The following TMEM255B variants were observed in gnomAD, a reference collection of about 807,000 sequenced individuals.
TMEM255B encodes the protein transmembrane protein 255B, also known as family with sequence similarity 70, member B.
In TMEM255B, 35 loss-of-function variants were observed where a neutral mutation model predicts 34.5. The observed-to-expected ratio is 1.01, with a 90% CI of 0.77 to 1.34. The LOEUF (loss-of-function observed/expected upper bound fraction) is 1.34, where lower values mean the gene tolerates loss of function less well. Ranked by LOEUF, TMEM255B falls within the 40% of genes most tolerant of loss-of-function variation. The pLI is 0.00. For synonymous variants in TMEM255B, 206 were observed against 201.2 expected, an observed-to-expected ratio of 1.02 and a Z score of -0.20; for missense variants, 432 against 433.2, an observed-to-expected ratio of 1.00 and a Z score of 0.02.
At chr13:113,798,837 G>A (rs1169133126) in intron 4 of TMEM255B, among the ~76,000 whole-genome samples, 4 of 152,162 alleles carry the variant, frequency 2.6e-5, no homozygotes, top group Non-Finnish European at 5.9e-5. Flanking sequence ...AGGATGGAAG[G>A]AAGAATGGGT....
At chr13:113,804,807 G>T in intron 7 of TMEM255B, 78 bp from the exon 8 acceptor site, 1 of 1,368,540 alleles carries the variant, frequency 7.3e-7, no homozygotes, top group South Asian at 1.4e-5. Flanking sequence ...CGAGGGTGCT[G>T]GGCTTTCTAG....
chr13:113,786,341 A>C (rs2050740513), intron 3 of TMEM255B, among the ~76,000 whole-genome samples: 1 of 149,474 alleles, frequency 6.7e-6, no homozygotes, highest in South Asian at 2.1e-4. Context: ...CCCCATCACC[A>C]TCACTGTCGT....
In TMEM255B at chr13:113,814,175, A is replaced by G. The variant is rs6602890; in HGVS notation, c.*2272A>G. On this transcript the variant is annotated 3_prime_UTR_variant, in exon 9 of 9. Coordinates refer to ENST00000375353, the MANE Select transcript of TMEM255B (RefSeq NM_182614.4). ...GCCCCCGAAGCTGCCTGGTGCAGGC[A>G]CCAGCACCTCTTGGTGTCCTAGGGG... 0.55 allele frequency: 83,884 copies of G among 152,086 alleles called. 26,501 individuals carry two copies. Among genetic ancestry groups the G allele is most frequent in the African/African-American group, 0.88 (36,389 of 41,532 alleles). The allele number at this position is 152,086 out of a possible 1,614,324, so 9.4% of individuals were successfully genotyped here. A position where few individuals can be genotyped will look rare whatever the true frequency, so the allele number is the denominator to read the frequency against.
Position 113,803,562 on chromosome 13 carries a change from A to T in TMEM255B, c.670-1323A>T, listed in dbSNP as rs1029208736. Among the ~76,000 whole-genome samples the T allele has an allele frequency of 7.2e-5, 9 of 124,972 alleles. 2 individuals carry two copies. Among genetic ancestry groups the T allele is most frequent in the Admixed American group, 1.6e-4 (2 of 12,732 alleles). The allele number at this position is 124,972 out of a possible 152,430, so 82.0% of individuals were successfully genotyped here. A position where few individuals can be genotyped will look rare whatever the true frequency, so the allele number is the denominator to read the frequency against. On this transcript the variant is annotated intron_variant, in intron 7 of 8. Coordinates refer to ENST00000375353, the MANE Select transcript of TMEM255B (RefSeq NM_182614.4). ...CCCCCGTGTTCTCTGCTTTCTGTGC[A>T]CTCGCCCCGGCCCCATCCTCAGGCC...
chr13:113,786,618 CTG>C (rs2050749607), intron 3 of TMEM255B, among the ~76,000 whole-genome samples: 1 of 151,370 alleles, frequency 6.6e-6, no homozygotes, highest in Non-Finnish European at 1.5e-5. Context: ...ACCGTCGTCA[CTG>C]TTGTCACCAT....
At chr13:113,762,156 C>G (rs996752715) in intron 1 of TMEM255B, among the ~76,000 whole-genome samples, 2 of 150,114 alleles carry the variant, frequency 1.3e-5, no homozygotes, top group Non-Finnish European at 3.0e-5. Flanking sequence ...TTATCTTTCT[C>G]CTAAGTGAAA....
chr13:113,760,725 G>A (rs535766201), intron 1 of TMEM255B, among the ~76,000 whole-genome samples: 141 of 148,340 alleles, frequency 9.5e-4, no homozygotes, highest in Non-Finnish European at 1.7e-3. Flanking sequence ...GTATCTGGGG[G>A]TGGATTATGG....
rs2050459171 is a variant in TMEM255B at position 113,770,437 on chromosome 13, C to T, written c.252+1277C>T. ...ATCACCCCGCATGGGACCCAGCAAA[C>T]TCCCACTGCTGCCCAGGAGACTGAC... On this transcript the variant is annotated intron_variant, in intron 3 of 8. Transcript: ENST00000375353. This position sits in a 1 kb window ranked among gnomAD's most constrained non-coding sequence, Gnocchi z 4.6. Among the ~76,000 whole-genome samples, 1 of 152,176 alleles carries T rather than the reference C, an allele frequency of 6.6e-6. No individual in the cohort carries two copies. The highest frequency in any genetic ancestry group is 2.4e-5 in the African/African-American group (1 of 41,436).
chr13:113,807,872 G>A (rs1479828435), intron 8 of TMEM255B, among the ~76,000 whole-genome samples: 1 of 147,704 alleles, frequency 6.8e-6, no homozygotes, highest in Non-Finnish European at 1.5e-5. Flanking sequence ...GACGTGGGGG[G>A]CACAGGGGCA....
chr13:113,812,785 G>T lies in TMEM255B; in HGVS notation c.*882G>T. On this transcript the variant is annotated 3_prime_UTR_variant, in exon 9 of 9. Coordinates refer to ENST00000375353, the MANE Select transcript of TMEM255B (RefSeq NM_182614.4). ...CCCGGGTGGGTCACAGGCCCCGGGT[G>T]GGTCACAGGACAGGTCTCAGGTGGG... The T allele has an allele frequency of 6.4e-6, 1 of 155,664 alleles. No individual in the cohort carries two copies. Among genetic ancestry groups the T allele is most frequent in the Non-Finnish European group, 1.4e-5 (1 of 70,642 alleles). 9.6% of individuals were successfully genotyped at this position (155,664 alleles called of 1,614,324 possible).
At chr13:113,761,865 C>T (rs912079627) in intron 1 of TMEM255B, among the ~76,000 whole-genome samples, 2 of 152,148 alleles carry the variant, frequency 1.3e-5, no homozygotes, top group Non-Finnish European at 2.9e-5. Flanking sequence ...CGGGAACCGG[C>T]GACAAACAAG....
chr13:113,811,913 G>C lies in TMEM255B; in HGVS notation c.*10G>C. On this transcript the variant is annotated 3_prime_UTR_variant, in exon 9 of 9. Coordinates refer to ENST00000375353, the MANE Select transcript of TMEM255B (RefSeq NM_182614.4). The stretch of plus-strand genomic sequence containing the variant: ...CCCCTACGCACCCTGATAGAGGCGT[G>C]GAGTAAAAGATAACTTGTTTGTTTT... The C allele has an allele frequency of 6.4e-7, 1 of 1,564,518 alleles. No homozygotes were observed. Among genetic ancestry groups the C allele is most frequent in the Non-Finnish European group, 8.6e-7 (1 of 1,160,916 alleles).
At chr13:113,805,502 G>T (rs930673400) in intron 8 of TMEM255B, among the ~76,000 whole-genome samples, 1 of 152,244 alleles carries the variant, frequency 6.6e-6, no homozygotes, top group Non-Finnish European at 1.5e-5. Flanking sequence ...AGGCCATGGT[G>T]GGGGGCGAGC....
chr13:113,777,310 C>G (rs1048706162), intron 3 of TMEM255B, among the ~76,000 whole-genome samples: 2 of 152,168 alleles, frequency 1.3e-5, no homozygotes, highest in Admixed American at 6.5e-5. Flanking sequence ...CTCTGCCTCT[C>G]TTTACACCCA....
intron 5 of TMEM255B, chr13:113,800,147 T>G: frequency 1.2e-6 from 1 of 830,360 alleles, no homozygotes; most frequent in Non-Finnish European, 1.5e-6. Flanking sequence ...GGAGGTGTCC[T>G]GTGTGTGTAT....
intron 3 of TMEM255B, among the ~76,000 whole-genome samples, chr13:113,793,172 C>T (rs1436492108): frequency 6.6e-6 from 1 of 152,230 alleles, no homozygotes; most frequent in East Asian, 1.9e-4. Context: ...CCCCGAGAAC[C>T]CTTGTGCTGC....
rs1338886246 is a variant in TMEM255B at position 113,812,999 on chromosome 13, G to GATAGGTCTCGGGTGGATCACAGA, written c.*1096_*1097insATAGGTCTCGGGTGGATCACAGA. On this transcript the variant is annotated 3_prime_UTR_variant, in exon 9 of 9. Transcript: ENST00000375353. The stretch of plus-strand genomic sequence containing the variant: ...GTCACGGGTCCCGGGTGGGTCACGG[G>GATAGGTCTCGGGTGGATCACAGA]TCCCGAGTGGGTCACGGGTCCCGGG... 18 of 145,348 alleles carry GATAGGTCTCGGGTGGATCACAGA rather than the reference G, an allele frequency of 1.2e-4. 1 individual carries two copies. Among genetic ancestry groups the GATAGGTCTCGGGTGGATCACAGA allele is most frequent in the Admixed American group, 2.0e-4 (3 of 14,704 alleles). 9.0% of individuals were successfully genotyped at this position (145,348 alleles called of 1,614,324 possible).
intron 8 of TMEM255B, among the ~76,000 whole-genome samples, 184 bp downstream of exon 8, chr13:113,805,212 G>A (rs2051148452): frequency 6.6e-6 from 1 of 152,164 alleles, no homozygotes; most frequent in South Asian, 2.1e-4. Flanking sequence ...GTATGGCCGG[G>A]GACCGCGCCA....
Position 113,813,489 on chromosome 13 carries a change from G to A in TMEM255B, c.*1586G>A, listed in dbSNP as rs1004209430. The A allele has an allele frequency of 6.6e-6, 1 of 152,312 alleles. No individual in the cohort carries two copies. Among genetic ancestry groups the A allele is most frequent in the Non-Finnish European group, 1.5e-5 (1 of 68,138 alleles). The allele number at this position is 152,312 out of a possible 1,614,324, so 9.4% of individuals were successfully genotyped here. Reference sequence around the variant, plus strand: ...GATCTGGGAGAAAAAAGATAAGGTGGAGGGGAGCCACACTCGTGCAGACAC... The same window carrying A: ...GATCTGGGAGAAAAAAGATAAGGTGAAGGGGAGCCACACTCGTGCAGACAC... On this transcript the variant is annotated 3_prime_UTR_variant, in exon 9 of 9. Coordinates refer to ENST00000375353, the MANE Select transcript of TMEM255B (RefSeq NM_182614.4).
Sources: allele counts gnomAD v4.1 joint callset (sites outside exome capture counted in the v4.1 genomes callset), GRCh38; gene constraint gnomAD v4.1.1; non-coding constraint Gnocchi (gnomAD v3.1); transcripts MANE v1.5; gene names NCBI Gene and HGNC (gene_info 2026-07-23, HGNC 2026-07-21).